The following HHAT variants were observed in gnomAD, a reference collection of about 807,000 sequenced individuals.
HHAT encodes the protein protein-cysteine N-palmitoyltransferase HHAT.
A neutral mutation model predicts 70.8 loss-of-function variants in HHAT; 47 were observed. The observed-to-expected ratio is 0.66, with a 90% CI of 0.53 to 0.85. The LOEUF (loss-of-function observed/expected upper bound fraction) is 0.85. Ranked by LOEUF, HHAT falls within the 40% of genes least tolerant of loss-of-function variation. The probability of loss-of-function intolerance (pLI) is 0.00; values close to 1 mark genes in which losing one functional copy is unlikely to be tolerated. For missense variants in HHAT, 609 were observed against 604.8 expected (o/e 1.01, Z -0.07); for synonymous variants, 228 against 247.6 (o/e 0.92, Z 0.74).
chr1:210,505,786 G>GGTACATTGCTGGTAATTA (rs1381957913), intron 8 of HHAT, among the ~76,000 whole-genome samples: 1 of 152,192 alleles, frequency 6.6e-6, no homozygotes, highest in African/African-American at 2.4e-5. Flanking sequence ...GCTAAATTTT[G>GGTACATTGCTGGTAATTA]GTACATTGTC....
At chr1:210,477,339 C>A (rs11119511) in intron 8 of HHAT, among the ~76,000 whole-genome samples, 43,731 of 152,070 alleles carry the variant, frequency 0.29, 6,407 homozygotes, top group East Asian at 0.42. Flanking sequence ...TGACTTCTCC[C>A]CTTCTCTGCC....
chr1:210,347,123 T>C (rs2086593228), intron 1 of HHAT, among the ~76,000 whole-genome samples: 1 of 152,244 alleles, frequency 6.6e-6, no homozygotes. Flanking sequence ...ATCCTCAGAA[T>C]TTATTCATCC....
chr1:210,454,317 G>T lies in HHAT; in HGVS notation c.857-10188G>T, dbSNP rs192838881. On this transcript the variant is annotated intron_variant, in intron 7 of 11. Transcript: ENST00000261458. ...GCCTGTAATCCCAGCACTTCGGGAG[G>T]CCGAGGTGGGCAGATCACAAGGTCA... Among the ~76,000 whole-genome samples, 658 of 152,286 alleles carry T rather than the reference G, an allele frequency of 4.3e-3. 2 individuals are homozygous for T. Among genetic ancestry groups the T allele is most frequent in the Middle Eastern group, 0.017 (5 of 294 alleles).
chr1:210,633,928 G>C (rs1350876873), intron 11 of HHAT, among the ~76,000 whole-genome samples: 1 of 152,144 alleles, frequency 6.6e-6, no homozygotes, highest in African/African-American at 2.4e-5. Context: ...GAAGGAGGCA[G>C]CTGCTAATTT....
At chr1:210,447,777 T>C (rs2093664484) in intron 7 of HHAT, among the ~76,000 whole-genome samples, 1 of 152,216 alleles carries the variant, frequency 6.6e-6, no homozygotes, top group African/African-American at 2.4e-5. Context: ...TGACTTCTTA[T>C]GTGGCTGACT....
intron 9 of HHAT, among the ~76,000 whole-genome samples, chr1:210,550,247 A>G (rs1394282191): frequency 6.7e-6 from 1 of 149,386 alleles, no homozygotes; most frequent in Non-Finnish European, 1.5e-5. Context: ...TGAGATTTCT[A>G]ACTCCTTTGT....
intron 6 of HHAT, among the ~76,000 whole-genome samples, chr1:210,415,901 T>C (rs4553196): frequency 0.82 from 125,125 of 151,908 alleles, 51,797 homozygotes; most frequent in South Asian, 0.9. Context: ...TCAGGTAATC[T>C]ACCTGCCTCC....
At chr1:210,341,764 A>G (rs141404339) in intron 1 of HHAT, among the ~76,000 whole-genome samples, 49 of 152,214 alleles carry the variant, frequency 3.2e-4, no homozygotes, top group Non-Finnish European at 5.7e-4. Flanking sequence ...CTAAGATTTT[A>G]TTCTGTGGCC....
At chr1:210,571,146 C>A (rs935938983) in intron 9 of HHAT, among the ~76,000 whole-genome samples, 1 of 152,248 alleles carries the variant, frequency 6.6e-6, no homozygotes, top group Non-Finnish European at 1.5e-5. Flanking sequence ...GGATCAGCTA[C>A]TTCTGCCCTT....
At chr1:210,560,886 T>A (rs1017269306) in intron 9 of HHAT, among the ~76,000 whole-genome samples, 9 of 150,834 alleles carry the variant, frequency 6.0e-5, no homozygotes, top group African/African-American at 2.2e-4. Context: ...TTTTTTCCTC[T>A]TTCTTTTTGA....
intron 7 of HHAT, among the ~76,000 whole-genome samples, chr1:210,442,853 T>G (rs1258912212): frequency 6.6e-6 from 1 of 152,220 alleles, no homozygotes; most frequent in Non-Finnish European, 1.5e-5. Context: ...CTGTTTAGTT[T>G]AATTAGATCC....
At chr1:210,405,389 G>A (rs56023677) in intron 6 of HHAT, among the ~76,000 whole-genome samples, 1 of 151,996 alleles carries the variant, frequency 6.6e-6, no homozygotes, top group Admixed American at 6.6e-5. Flanking sequence ...TAATTGCTAA[G>A]TTAATTCACC....
In HHAT at chr1:210,362,833, A is replaced by AC. The variant is rs775943246; in HGVS notation, c.92-18dup. On this transcript the variant is annotated intron_variant, in intron 2 of 11. Transcript: ENST00000261458. The stretch of plus-strand genomic sequence containing the variant: ...TTGTTTAGATTTGTGACTAACGAAG[A>AC]CTTTTTTTTTTTGGTCAGAACACGA... 3 of 1,577,858 alleles carry AC rather than the reference A, an allele frequency of 1.9e-6. No homozygotes were observed. The African/African-American group carries it at 4.1e-5, about 21-fold the overall frequency.
At chr1:210,389,687 G>A (rs2091323363) in intron 4 of HHAT, among the ~76,000 whole-genome samples, 1 of 152,170 alleles carries the variant, frequency 6.6e-6, no homozygotes, top group Admixed American at 6.5e-5. Flanking sequence ...TTCCAGTCAT[G>A]CTTCCTGTTA....
chr1:210,358,157 G>T (rs560149837), intron 2 of HHAT, among the ~76,000 whole-genome samples: 1 of 152,278 alleles, frequency 6.6e-6, no homozygotes, highest in South Asian at 2.1e-4. Flanking sequence ...TTTCTCAGCT[G>T]GTGCTCCATG....
chr1:210,409,988 C>G (rs911211289), intron 6 of HHAT, among the ~76,000 whole-genome samples: 10 of 152,244 alleles, frequency 6.6e-5, no homozygotes, highest in African/African-American at 2.4e-4. Context: ...GAGAGCCGCC[C>G]TGCACATTAG....
At chr1:210,362,709 A>G in intron 2 of HHAT, 143 bp from the exon 3 acceptor site, 1 of 645,468 alleles carries the variant, frequency 1.5e-6, no homozygotes, top group Non-Finnish European at 2.7e-6. Context: ...AAGGTCAAGG[A>G]GTGTGGTATG....
intron 9 of HHAT, among the ~76,000 whole-genome samples, chr1:210,552,986 G>A (rs1444012333): frequency 6.6e-6 from 1 of 152,188 alleles, no homozygotes; most frequent in Non-Finnish European, 1.5e-5. Context: ...CTTTAGTGCA[G>A]TGCCTGTGTT....
intron 8 of HHAT, among the ~76,000 whole-genome samples, chr1:210,469,171 A>G (rs1279335511): frequency 6.6e-6 from 1 of 152,120 alleles, no homozygotes; most frequent in African/African-American, 2.4e-5. Context: ...TGAAAGGCTC[A>G]ATTTCAGCTC....
Sources: allele counts gnomAD v4.1 joint callset (sites outside exome capture counted in the v4.1 genomes callset), GRCh38; gene constraint gnomAD v4.1.1; transcripts MANE v1.5; gene names NCBI Gene and HGNC (gene_info 2026-07-23, HGNC 2026-07-21).